The following FAM228B variants were observed in gnomAD, a reference collection of about 807,000 sequenced individuals.
FAM228B encodes protein FAM228B.
A neutral mutation model predicts 42.6 loss-of-function variants in FAM228B; 38 were observed. That is an observed-to-expected ratio of 0.89 (90% CI 0.69 to 1.17). FAM228B has a LOEUF of 1.17. FAM228B is among the 50% of genes most tolerant of loss of function. The pLI is 0.00. For synonymous variants in FAM228B, 109 were observed against 122.3 expected, an observed-to-expected ratio of 0.89 and a Z score of 0.72; for missense variants, 344 against 367.3, an observed-to-expected ratio of 0.94 and a Z score of 0.52.
chr2:24,143,993 C>T, intron 5 of FAM228B, among the ~76,000 whole-genome samples: 2 of 101,538 alleles, frequency 2.0e-5, no homozygotes, highest in East Asian at 7.0e-4. Flanking sequence ...AGGCAGCAGT[C>T]TCCAAAAAAA....
At position 24,123,552 on chromosome 2, in the gene FAM228B, G is replaced by A. The variant is rs1666200274; in HGVS notation, c.-33+19G>A. 6.6e-6 allele frequency: 1 copy of A among 152,046 alleles called. No individual in the cohort carries two copies. The highest frequency in any genetic ancestry group is 1.5e-5 in the Non-Finnish European group (1 of 68,008). The allele number at this position is 152,046 out of a possible 1,614,324, so 9.4% of individuals were successfully genotyped here. On this transcript the variant is annotated intron_variant, in intron 1 of 10. Coordinates refer to ENST00000615575, the MANE Select transcript of FAM228B (RefSeq NM_001145710.2). ...GGAGACGGTGGGCGCCAACATTCGC[G>A]CGTTCCGCAGACGCGGGCGGGCTCC... is the stretch of plus-strand genomic sequence containing the variant.
rs146937525 is a variant in FAM228B, at chr2:24,139,674, G to A, written c.441+224G>A. On this transcript the variant is annotated intron_variant, in intron 5 of 10. Transcript: ENST00000615575. ...GGATAATGATTGGGTAATAGGTAAC[G>A]TTTAAAAATTCCATAGACTTTTAAA... 5.7e-4 allele frequency among the ~76,000 whole-genome samples: 86 copies of A among 152,144 alleles called. 1 individual carries two copies. The East Asian group carries it at 0.013, about 23-fold the overall frequency.
At chr2:24,090,352 G>T (rs1378109616) in intron 2 of FAM228B, among the ~76,000 whole-genome samples, 1 of 151,902 alleles carries the variant, frequency 6.6e-6, no homozygotes, top group Non-Finnish European at 1.5e-5. Flanking sequence ...GAGGCCAAGG[G>T]GGGAGCAGAA....
At chr2:24,145,630 T>A (rs1453803735) in intron 5 of FAM228B, among the ~76,000 whole-genome samples, 2 of 152,134 alleles carry the variant, frequency 1.3e-5, no homozygotes, top group Admixed American at 1.3e-4. Context: ...CCAATGTCAT[T>A]TAAAATTTGA....
At chr2:24,131,575 AT>A (rs1486014487) in intron 2 of FAM228B, among the ~76,000 whole-genome samples, 1 of 151,830 alleles carries the variant, frequency 6.6e-6, no homozygotes, top group Non-Finnish European at 1.5e-5. Flanking sequence ...TAGGTATTTT[AT>A]TTTCTTTATA....
chr2:24,077,392 A>T lies in FAM228B; in HGVS notation c.-290+423A>T. On this transcript the variant is annotated intron_variant, in intron 1 of 10. Transcript: ENST00000613899. The surrounding 1 kb of genome is among the most constrained non-coding windows in gnomAD (Gnocchi z 5.5). ...CGCTGCGACGCCCGTCCGGACTCCC[A>T]CCTCAACCCCGCCGCGGCGGCCCCA... The T allele has an allele frequency of 1.7e-6, 1 of 604,066 alleles. No homozygotes were observed. The highest frequency in any genetic ancestry group is 2.6e-6 in the Non-Finnish European group (1 of 378,988). 37.4% of individuals were successfully genotyped at this position (604,066 alleles called of 1,614,324 possible).
At chr2:24,109,795 G>C (rs921094174) in intron 3 of FAM228B, among the ~76,000 whole-genome samples, 1 of 152,214 alleles carries the variant, frequency 6.6e-6, no homozygotes, top group African/African-American at 2.4e-5. Flanking sequence ...AGATGTTGGC[G>C]AGGTTGTGGA....
At chr2:24,083,223 T>C in intron 2 of FAM228B, 1 of 1,476,010 alleles carries the variant, frequency 6.8e-7, no homozygotes, top group East Asian at 2.4e-5. Context: ...CTGGCCCCCC[T>C]TCCAAGATCC....
chr2:24,145,485 C>T (rs572502571), intron 5 of FAM228B, among the ~76,000 whole-genome samples: 11 of 152,270 alleles, frequency 7.2e-5, no homozygotes, highest in Non-Finnish European at 1.5e-4. Flanking sequence ...TCCTCCCCTA[C>T]GGAAGCAATC....
chr2:24,118,506 AAAG>A (rs1222051580), upstream of FAM228B, among the ~76,000 whole-genome samples: 1 of 152,234 alleles, frequency 6.6e-6, no homozygotes, highest in Non-Finnish European at 1.5e-5. Flanking sequence ...TAATGGAGAA[AAAG>A]AAGGATTAAG....
intron 8 of FAM228B, 128 bp from the exon 9 acceptor site, chr2:24,164,070 C>A: frequency 1.2e-6 from 1 of 862,154 alleles, no homozygotes; most frequent in Non-Finnish European, 1.7e-6. Flanking sequence ...AAAGTAAATA[C>A]GTTTATTTTC....
intron 3 of FAM228B, among the ~76,000 whole-genome samples, chr2:24,101,362 A>C (rs550534611): frequency 6.6e-6 from 1 of 152,068 alleles, no homozygotes; most frequent in Non-Finnish European, 1.5e-5. Flanking sequence ...TGCTTTACTG[A>C]TCATTCTTAT....
intron 2 of FAM228B, chr2:24,082,782 A>G: frequency 1.4e-6 from 2 of 1,418,778 alleles, no homozygotes; most frequent in Non-Finnish European, 1.9e-6. Flanking sequence ...CAGGTGATAC[A>G]GGAAGGCCTG....
At chr2:24,088,917 A>G (rs192324132) in intron 2 of FAM228B, among the ~76,000 whole-genome samples, 251 of 152,346 alleles carry the variant, frequency 1.6e-3, no homozygotes, top group Middle Eastern at 3.4e-3. Context: ...AGCCTATGTC[A>G]GAGAATTGAT....
At chr2:24,141,470 T>G (rs914519434) in intron 5 of FAM228B, among the ~76,000 whole-genome samples, 5 of 152,206 alleles carry the variant, frequency 3.3e-5, no homozygotes, top group African/African-American at 1.2e-4. Flanking sequence ...GGTCTCAATC[T>G]CCTGACCTCG....
intron 7 of FAM228B, among the ~76,000 whole-genome samples, chr2:24,153,572 G>A (rs1667068981): frequency 6.6e-6 from 1 of 152,200 alleles, no homozygotes; most frequent in Non-Finnish European, 1.5e-5. Context: ...CGAGATGCAG[G>A]ACAAAGTCCT....
In FAM228B at chr2:24,164,179, T is replaced by G. The variant is rs1249095303; in HGVS notation, c.795-19T>G. ...TTGAGAGTTAAGAGAATCCCTTCCT[T>G]TCTGGTTCCTTCCTGCAGAAACAAA... On this transcript the variant is annotated intron_variant, in intron 8 of 10. Transcript: ENST00000615575. The G allele has an allele frequency of 3.9e-6, 6 of 1,538,320 alleles. No homozygotes were observed. Among genetic ancestry groups the G allele is most frequent in the Middle Eastern group, 1.7e-4 (1 of 5,922 alleles).
intron 2 of FAM228B, among the ~76,000 whole-genome samples, chr2:24,091,197 A>G (rs941511569): frequency 6.6e-6 from 1 of 152,224 alleles, no homozygotes; most frequent in Non-Finnish European, 1.5e-5. Flanking sequence ...TAATCCCAGC[A>G]CTTTGGGAGG....
chr2:24,130,681 G>T (rs1666434734), intron 2 of FAM228B, among the ~76,000 whole-genome samples: 1 of 151,596 alleles, frequency 6.6e-6, no homozygotes, highest in South Asian at 2.1e-4. Context: ...TTTGTTTTTT[G>T]TAGGTTCTGG....
Sources: allele counts gnomAD v4.1 joint callset (sites outside exome capture counted in the v4.1 genomes callset), GRCh38; gene constraint gnomAD v4.1.1; non-coding constraint Gnocchi (gnomAD v3.1); transcripts MANE v1.5; gene names NCBI Gene and HGNC (gene_info 2026-07-23, HGNC 2026-07-21).